Variants in PGM5 observed in about 807,000 individuals in gnomAD.
PGM5 encodes the protein phosphoglucomutase-like protein 5.
PGM5 carries 23 observed loss-of-function variants against 59.2 expected under a neutral mutation model. The observed-to-expected ratio is 0.39, with a 90% CI of 0.28 to 0.55. The LOEUF (loss-of-function observed/expected upper bound fraction) is 0.55. PGM5 is among the 20% of genes least tolerant of loss of function. The pLI, the probability that PGM5 is intolerant of heterozygous loss-of-function variation, is 0.66. For synonymous variants in PGM5, 214 were observed against 286.0 expected, an observed-to-expected ratio of 0.75 and a Z score of 2.54; for missense variants, 574 against 748.3, an observed-to-expected ratio of 0.77 and a Z score of 2.72.
chr9:68,362,865 C>CTTTTTTT (rs1163826772), intron 1 of PGM5, among the ~76,000 whole-genome samples: 211 of 96,738 alleles, frequency 2.2e-3, no homozygotes, highest in Middle Eastern at 7.7e-3. Flanking sequence ...TTTTCTTTTT[C>CTTTTTTT]TTTTTTTTTT....
rs1310583077 is a variant in PGM5, at chr9:68,530,184, C to T, written c.*528C>T. The T allele has an allele frequency of 1.3e-5, 2 of 152,802 alleles. No individual in the cohort carries two copies. Among genetic ancestry groups the T allele is most frequent in the Non-Finnish European group, 2.9e-5 (2 of 68,478 alleles). 9.5% of individuals were successfully genotyped at this position (152,802 alleles called of 1,614,324 possible). A position where few individuals can be genotyped will look rare whatever the true frequency, so the allele number is the denominator to read the frequency against. On this transcript the variant is annotated 3_prime_UTR_variant, in exon 11 of 11. Coordinates refer to ENST00000396396, the MANE Select transcript of PGM5 (RefSeq NM_021965.4). ...AACAGCCCACCTCACTCCTGCCACC[C>T]ACCCGATGGCCCTGCCTCCCCCATC...
At chr9:68,500,242 G>T (rs949575905) in intron 10 of PGM5, among the ~76,000 whole-genome samples, 1 of 152,178 alleles carries the variant, frequency 6.6e-6, no homozygotes, top group African/African-American at 2.4e-5. Context: ...TGCCCTGATG[G>T]AGTAAGATAC....
intron 9 of PGM5, among the ~76,000 whole-genome samples, chr9:68,491,356 G>T (rs185034580): frequency 2.0e-5 from 3 of 152,280 alleles, no homozygotes; most frequent in East Asian, 3.9e-4. Flanking sequence ...AGGCAGCCCA[G>T]GTGAAACCAT....
intron 1 of PGM5, among the ~76,000 whole-genome samples, chr9:68,370,279 T>A (rs1442267516): frequency 6.6e-6 from 1 of 152,102 alleles, no homozygotes; most frequent in African/African-American, 2.4e-5. Context: ...TTCTTTTCTT[T>A]TTTTTTCTTA....
At chr9:68,490,158 T>C (rs1824366562) in intron 9 of PGM5, among the ~76,000 whole-genome samples, 1 of 152,234 alleles carries the variant, frequency 6.6e-6, no homozygotes, top group African/African-American at 2.4e-5. Flanking sequence ...TTTTAATATG[T>C]ACCTCGATGC....
intron 10 of PGM5, among the ~76,000 whole-genome samples, chr9:68,502,362 G>A (rs946697326): frequency 5.9e-5 from 9 of 152,194 alleles, no homozygotes; most frequent in Non-Finnish European, 1.2e-4. Flanking sequence ...ACCAGAAACA[G>A]TACAATTGTT....
intron 9 of PGM5, among the ~76,000 whole-genome samples, chr9:68,492,042 T>A (rs1824399651): frequency 1.3e-5 from 2 of 152,178 alleles, no homozygotes; most frequent in African/African-American, 4.8e-5. Context: ...GTGTAAGCAT[T>A]ATCGAATGAC....
chr9:68,457,589 T>C (rs782680519), intron 6 of PGM5, among the ~76,000 whole-genome samples: 1 of 152,258 alleles, frequency 6.6e-6, no homozygotes, highest in Non-Finnish European at 1.5e-5. Context: ...TCTTATGACA[T>C]AGATTCAATA....
intron 10 of PGM5, among the ~76,000 whole-genome samples, chr9:68,520,105 A>G (rs1474565212): frequency 6.9e-6 from 1 of 144,824 alleles, no homozygotes; most frequent in African/African-American, 2.5e-5. Flanking sequence ...AAAAAAAAAG[A>G]CAACTATAAG....
intron 6 of PGM5, among the ~76,000 whole-genome samples, chr9:68,453,591 C>A (rs962958333): frequency 1.3e-5 from 2 of 152,224 alleles, no homozygotes; most frequent in African/African-American, 4.8e-5. Context: ...CCCTCCTTGG[C>A]CTCCCAAAGT....
intron 5 of PGM5, among the ~76,000 whole-genome samples, chr9:68,391,995 T>C (rs1822377128): frequency 6.6e-6 from 1 of 152,150 alleles, no homozygotes; most frequent in Admixed American, 6.6e-5. Context: ...GCTGGTGTTG[T>C]TGAAAGCACC....
chr9:68,389,694 A>G (rs1822317704), intron 4 of PGM5, among the ~76,000 whole-genome samples: 1 of 152,122 alleles, frequency 6.6e-6, no homozygotes, highest in Non-Finnish European at 1.5e-5. Context: ...TGGCTATTAT[A>G]AAGAAAGATA....
At chr9:68,402,641 T>C (rs1822701805) in intron 6 of PGM5, among the ~76,000 whole-genome samples, 1 of 152,180 alleles carries the variant, frequency 6.6e-6, no homozygotes, top group Non-Finnish European at 1.5e-5. Context: ...AATTTATTGG[T>C]GATATAAAAG....
intron 7 of PGM5, among the ~76,000 whole-genome samples, chr9:68,472,906 C>T (rs1396999023): frequency 6.6e-6 from 1 of 152,202 alleles, no homozygotes; most frequent in Non-Finnish European, 1.5e-5. Flanking sequence ...GACTCTTCTG[C>T]GCTTGCACCT....
intron 6 of PGM5, among the ~76,000 whole-genome samples, chr9:68,438,030 G>A (rs1226237359): frequency 6.6e-6 from 1 of 152,168 alleles, no homozygotes; most frequent in Non-Finnish European, 1.5e-5. Context: ...GCTCATGCCT[G>A]TAATCCCAGC....
At chr9:68,442,979 AAGC>A (rs1326329901) in intron 6 of PGM5, among the ~76,000 whole-genome samples, 1 of 152,212 alleles carries the variant, frequency 6.6e-6, no homozygotes, top group Non-Finnish European at 1.5e-5. Context: ...CCACTCTGGA[AAGC>A]AGTTTGTCAA....
chr9:68,526,361 G>T (rs546456279), intron 10 of PGM5, among the ~76,000 whole-genome samples: 3 of 152,342 alleles, frequency 2.0e-5, no homozygotes, highest in South Asian at 2.1e-4. Context: ...GTTTCCTCAT[G>T]TGGCATTTTC....
At chr9:68,433,362 A>T (rs1037028499) in intron 6 of PGM5, among the ~76,000 whole-genome samples, 9 of 152,246 alleles carry the variant, frequency 5.9e-5, no homozygotes, top group Non-Finnish European at 8.8e-5. Flanking sequence ...GCCCAATTTC[A>T]GAGAATTATT....
chr9:68,453,717 A>G (rs1205448900), intron 6 of PGM5, among the ~76,000 whole-genome samples: 38 of 152,286 alleles, frequency 2.5e-4, no homozygotes, highest in East Asian at 3.9e-4. Context: ...GCACCTTTAT[A>G]TTAATGTAGG....
Sources: gnomAD v4.1 joint callset for allele counts (sites outside exome capture counted in the v4.1 genomes callset) on GRCh38, gnomAD v4.1.1 for gene constraint, MANE v1.5 for transcripts, NCBI Gene and HGNC (gene_info 2026-07-23, HGNC 2026-07-21) for gene names.